STAU2: variants seen among roughly 807,000 people sequenced by gnomAD.
The protein encoded by STAU2 is double-stranded RNA-binding protein Staufen homolog 2.
Under a neutral mutation model 65.9 loss-of-function variants are expected in STAU2, and 20 were observed. That is an observed-to-expected ratio of 0.30 (90% CI 0.21 to 0.44). The LOEUF is 0.44. Among genes scored for constraint, STAU2 ranks in the 20% least tolerant of loss-of-function variants. The probability of loss-of-function intolerance (pLI) is 1.00; values close to 1 mark genes in which losing one functional copy is unlikely to be tolerated. For synonymous variants in STAU2, 232 were observed against 233.9 expected (o/e 0.99, Z 0.07); for missense variants, 558 against 683.9 (o/e 0.82, Z 2.05).
At chr8:73,500,856 C>A (rs1235994804) in intron 13 of STAU2, among the ~76,000 whole-genome samples, 1 of 151,806 alleles carries the variant, frequency 6.6e-6, no homozygotes, top group East Asian at 1.9e-4. Context: ...AAGGAATTTG[C>A]ACAATTTTCT....
chr8:73,465,469 C>T (rs1314588266), intron 13 of STAU2, among the ~76,000 whole-genome samples: 1 of 152,144 alleles, frequency 6.6e-6, no homozygotes, highest in Non-Finnish European at 1.5e-5. Context: ...TCACGTATTA[C>T]TGTATTTCTT....
chr8:73,594,627 G>A (rs1455724761), intron 11 of STAU2, among the ~76,000 whole-genome samples: 2 of 152,166 alleles, frequency 1.3e-5, no homozygotes, highest in Non-Finnish European at 2.9e-5. Flanking sequence ...AGATGTAGGT[G>A]TTAATGATGT....
intron 13 of STAU2, among the ~76,000 whole-genome samples, chr8:73,445,129 A>G (rs988705923): frequency 2.6e-5 from 4 of 152,250 alleles, no homozygotes; most frequent in Admixed American, 2.6e-4. Flanking sequence ...CAGAATTTAC[A>G]AGTGAGTGAG....
At chr8:73,608,387 T>C (rs932677335) in intron 9 of STAU2, among the ~76,000 whole-genome samples, 1 of 151,506 alleles carries the variant, frequency 6.6e-6, no homozygotes, top group African/African-American at 2.4e-5. Flanking sequence ...GCAGGGCGGA[T>C]CACAAGGTCA....
intron 13 of STAU2, among the ~76,000 whole-genome samples, chr8:73,499,275 C>A (rs192537656): frequency 1.6e-4 from 25 of 151,912 alleles, no homozygotes; most frequent in African/African-American, 5.5e-4. Flanking sequence ...CTCTGGAGAA[C>A]CCTGACTGAC....
At chr8:73,430,189 C>A (rs1208704401) in intron 13 of STAU2, among the ~76,000 whole-genome samples, 2 of 152,148 alleles carry the variant, frequency 1.3e-5, no homozygotes. Context: ...GAGGGAGAAG[C>A]CCCAGGGTTT....
intron 11 of STAU2, among the ~76,000 whole-genome samples, chr8:73,591,368 C>T (rs537533122): frequency 1.3e-5 from 2 of 152,020 alleles, no homozygotes; most frequent in East Asian, 1.9e-4. Context: ...TGTTTAAATA[C>T]AACAATCTCA....
intron 13 of STAU2, among the ~76,000 whole-genome samples, chr8:73,463,243 G>A (rs578138817): frequency 6.6e-6 from 1 of 152,356 alleles, no homozygotes; most frequent in African/African-American, 2.4e-5. Context: ...TAGACCTTGT[G>A]CATGGCAACA....
At chr8:73,538,957 A>C (rs4342584) in intron 13 of STAU2, among the ~76,000 whole-genome samples, 146,721 of 152,242 alleles carry the variant, frequency 0.96, 70,733 homozygotes, top group East Asian at 1. Flanking sequence ...TGCACTAAAG[A>C]CACCCTAACA....
chr8:73,435,411 TC>T (rs1378521600), intron 13 of STAU2, among the ~76,000 whole-genome samples: 1 of 151,830 alleles, frequency 6.6e-6, no homozygotes, highest in Non-Finnish European at 1.5e-5. Flanking sequence ...CATCTGAAGT[TC>T]CCCCAGGAAG....
At chr8:73,712,986 T>G (rs7833875) in intron 3 of STAU2, among the ~76,000 whole-genome samples, 2 of 151,976 alleles carry the variant, frequency 1.3e-5, no homozygotes, top group Admixed American at 6.6e-5. Flanking sequence ...GTGAAAAGCA[T>G]GTATTTGTTA....
chr8:73,465,763 G>A (rs572930098), intron 13 of STAU2, among the ~76,000 whole-genome samples: 39 of 152,162 alleles, frequency 2.6e-4, no homozygotes, highest in African/African-American at 9.4e-4. Flanking sequence ...CCCTTCCCTT[G>A]TTGTCTTTCA....
At chr8:73,715,228 A>G (rs948917892) in intron 3 of STAU2, among the ~76,000 whole-genome samples, 2 of 151,856 alleles carry the variant, frequency 1.3e-5, no homozygotes, top group African/African-American at 4.8e-5. Context: ...CCTGTTCAAA[A>G]GAATGTTAAA....
chr8:73,457,159 T>C (rs1819113434), intron 13 of STAU2, among the ~76,000 whole-genome samples: 1 of 152,228 alleles, frequency 6.6e-6, no homozygotes, highest in Admixed American at 6.5e-5. Flanking sequence ...TGCAGTCAGA[T>C]ATCTGTTTTC....
rs539436273 is a variant in STAU2, at chr8:73,567,123, T to C, written c.1223-14804A>G. On this transcript the variant is annotated intron_variant, in intron 12 of 14. Coordinates refer to ENST00000524300, the MANE Select transcript of STAU2 (RefSeq NM_001164380.2). Reference sequence around the variant, plus strand: ...ACTACTCAAAAGATCATTAATACAGTGGGGAAAAAAGTGAAAATGCAATTC... The same window carrying C: ...ACTACTCAAAAGATCATTAATACAGCGGGGAAAAAAGTGAAAATGCAATTC... Among the ~76,000 whole-genome samples, 24 of 152,106 alleles carry C rather than the reference T, an allele frequency of 1.6e-4. No individual in the cohort carries two copies. In the South Asian group the frequency reaches 4.4e-3, roughly 28 times the overall value.
chr8:73,743,260 T>C (rs564561755), intron 1 of STAU2, among the ~76,000 whole-genome samples: 1 of 151,968 alleles, frequency 6.6e-6, no homozygotes, highest in Non-Finnish European at 1.5e-5. Flanking sequence ...CAGACACCAA[T>C]TGTATACGCT....
intron 13 of STAU2, 81 bp from the exon 14 acceptor site, chr8:73,422,783 A>G: frequency 9.7e-7 from 1 of 1,032,530 alleles, no homozygotes; most frequent in Non-Finnish European, 1.3e-6. Flanking sequence ...CTGAGATAGA[A>G]AGACTCATTT....
chr8:73,633,638 G>A lies in STAU2; in HGVS notation c.411-16187C>T, dbSNP rs559106992. On this transcript the variant is annotated intron_variant, in intron 6 of 14. Transcript: ENST00000524300. ...GTGGTTTCATCTTTGCCTATATACC[G>A]GAAGTACATGAGGAGCTTTAAAAAA... Among the ~76,000 whole-genome samples, 6 of 152,162 alleles carry A rather than the reference G, an allele frequency of 3.9e-5. No homozygotes were observed. In the East Asian group the frequency reaches 5.8e-4, roughly 15 times the overall value.
Position 73,617,299 on chromosome 8 carries a change from G to A in STAU2, c.563C>T (p.Ser188Phe). The A allele has an allele frequency of 6.2e-7, 1 of 1,614,018 alleles. No individual in the cohort carries two copies. The highest frequency in any genetic ancestry group is 8.5e-7 in the Non-Finnish European group (1 of 1,179,940). ...CATGCAGCAGCACCACACCTGAGGA[G>A]ATCTTTCTGGAATAGGTTCATTCTG... ...ALQNEPIPERSPQNGESGKDV... is the reference protein window; with the variant it reads ...ALQNEPIPERFPQNGESGKDV... Residue 188 changes from serine to phenylalanine, a missense_variant, in exon 7 of 15, where the codon TCT (serine) becomes TTT (phenylalanine). Coordinates refer to ENST00000524300, the MANE Select transcript of STAU2 (RefSeq NM_001164380.2).
Sources: allele counts gnomAD v4.1 joint callset (sites outside exome capture counted in the v4.1 genomes callset), GRCh38; gene constraint gnomAD v4.1.1; transcripts MANE v1.5; gene names NCBI Gene and HGNC (gene_info 2026-07-23, HGNC 2026-07-21).